MAGI2: variants seen among roughly 807,000 people sequenced by gnomAD.
MAGI2 encodes membrane associated guanylate kinase, WW and PDZ domain containing 2.
In MAGI2, 35 loss-of-function variants were observed where a neutral mutation model predicts 133.3. The ratio of observed to expected loss-of-function variants is 0.26; its 90% CI spans 0.20 to 0.35. The LOEUF is 0.35. Among genes scored for constraint, MAGI2 ranks in the 10% least tolerant of loss-of-function variants. MAGI2 has a pLI of 1.00. For synonymous variants in MAGI2, 729 were observed against 710.6 expected, an observed-to-expected ratio of 1.03 and a Z score of -0.41; for missense variants, 1,636 against 1,863.4, an observed-to-expected ratio of 0.88 and a Z score of 2.25.
At chr7:78,590,640 T>C (rs1803901652) in intron 3 of MAGI2, among the ~76,000 whole-genome samples, 1 of 152,240 alleles carries the variant, frequency 6.6e-6, no homozygotes, top group African/African-American at 2.4e-5. Context: ...TGCTTTTTGC[T>C]AGTCACGTGG....
chr7:78,836,154 T>C (rs1424443192), intron 2 of MAGI2, among the ~76,000 whole-genome samples: 2 of 152,236 alleles, frequency 1.3e-5, no homozygotes, highest in Non-Finnish European at 2.9e-5. Context: ...AATGATACAA[T>C]ACTCAGAAGC....
intron 20 of MAGI2, among the ~76,000 whole-genome samples, chr7:78,104,020 C>T (rs548954077): frequency 3.5e-4 from 54 of 152,200 alleles, no homozygotes; most frequent in Non-Finnish European, 6.3e-4. Flanking sequence ...CTGAACACAG[C>T]CTGGGATCAG....
Position 78,407,901 on chromosome 7 carries a change from A to G in MAGI2, c.1046-38688T>C, listed in dbSNP as rs550831631. Among the ~76,000 whole-genome samples, 125 of 131,482 alleles carry G rather than the reference A, an allele frequency of 9.5e-4. 1 individual carries two copies. Among genetic ancestry groups the G allele is most frequent in the African/African-American group, 3.3e-3 (114 of 34,052 alleles). 86.3% of individuals were successfully genotyped at this position (131,482 alleles called of 152,430 possible). On this transcript the variant is annotated intron_variant, in intron 6 of 21. Coordinates refer to ENST00000354212, the MANE Select transcript of MAGI2 (RefSeq NM_012301.4). ...TCATTCCTCTAGGATGCCAGAGATCATTTTTGTTACCAGACAGACCCCTCC... is the reference window on the plus strand; with the variant it reads ...TCATTCCTCTAGGATGCCAGAGATCGTTTTTGTTACCAGACAGACCCCTCC...
rs371611051 is a variant in MAGI2, at chr7:78,092,458, C to T, written c.3568-13373G>A. Among the ~76,000 whole-genome samples the T allele has an allele frequency of 1.5e-4, 23 of 152,238 alleles. 1 individual carries two copies. In the East Asian group the frequency reaches 3.7e-3, roughly 24 times the overall value. On this transcript the variant is annotated intron_variant, in intron 20 of 21. Coordinates refer to ENST00000354212, the MANE Select transcript of MAGI2 (RefSeq NM_012301.4). ...TTAAATTTTACAACTAGGAATGTAG[C>T]CGAGTGTCTAAAAATCTTGTTTCTG...
At chr7:78,879,799 G>A (rs1451111877) in intron 2 of MAGI2, among the ~76,000 whole-genome samples, 1 of 151,942 alleles carries the variant, frequency 6.6e-6, no homozygotes, top group Non-Finnish European at 1.5e-5. Flanking sequence ...AGCTTAATGA[G>A]ATTCAGAAAA....
intron 20 of MAGI2, among the ~76,000 whole-genome samples, chr7:78,092,073 G>A (rs1379733130): frequency 6.6e-6 from 1 of 152,160 alleles, no homozygotes; most frequent in Non-Finnish European, 1.5e-5. Context: ...AAAACTACAT[G>A]TGTTAAAGTT....
intron 3 of MAGI2, among the ~76,000 whole-genome samples, chr7:78,529,550 TA>T (rs1180364174): frequency 2.6e-5 from 4 of 152,122 alleles, no homozygotes; most frequent in African/African-American, 9.7e-5. Context: ...AAGAATGTAT[TA>T]AATCCCTTAG....
chr7:78,579,559 G>A lies in MAGI2; in HGVS notation c.538+47561C>T, dbSNP rs374649944. On this transcript the variant is annotated intron_variant, in intron 3 of 21. Transcript: ENST00000354212. The stretch of plus-strand genomic sequence containing the variant: ...TATTGACCTGGAGATGGTACCAGAG[G>A]AATCTGCGTTAACAAGCTTCACTAA... Among the ~76,000 whole-genome samples, 7 of 152,270 alleles carry A rather than the reference G, an allele frequency of 4.6e-5. No homozygotes were observed. In the South Asian group the frequency reaches 1.4e-3, roughly 32 times the overall value.
intron 10 of MAGI2, among the ~76,000 whole-genome samples, chr7:78,212,223 C>T (rs73703755): frequency 9.5e-4 from 144 of 152,270 alleles, no homozygotes; most frequent in African/African-American, 3.3e-3. Context: ...GGAACAGTGG[C>T]CCCCACAAAG....
At chr7:78,670,113 G>A (rs917271611) in intron 2 of MAGI2, among the ~76,000 whole-genome samples, 5 of 151,670 alleles carry the variant, frequency 3.3e-5, no homozygotes, top group African/African-American at 1.2e-4. Context: ...ATTCAATTAG[G>A]AAAAGAGGAA....
At chr7:79,312,231 C>G (rs1333091743) in intron 1 of MAGI2, among the ~76,000 whole-genome samples, 1 of 152,160 alleles carries the variant, frequency 6.6e-6, no homozygotes, top group Non-Finnish European at 1.5e-5. Context: ...CATGTCATGT[C>G]AGGACACAAG....
intron 2 of MAGI2, among the ~76,000 whole-genome samples, chr7:78,873,250 CA>C (rs1795173398): frequency 1.3e-5 from 2 of 152,158 alleles, no homozygotes; most frequent in African/African-American, 2.4e-5. Context: ...TACTATACAA[CA>C]GGGGTCCCCA....
rs35152410 is a variant in MAGI2, at chr7:78,163,906, C to CAAA, written c.2597-3636_2597-3634dup. On this transcript the variant is annotated intron_variant, in intron 15 of 21. Coordinates refer to ENST00000354212, the MANE Select transcript of MAGI2 (RefSeq NM_012301.4). Reference sequence around the variant, plus strand: ...TGGGCAACAGAGCAAGACTCCGTCTCAAAAAAAAAAAAAAAAATTAATTGC... The same window carrying CAAA: ...TGGGCAACAGAGCAAGACTCCGTCTCAAAAAAAAAAAAAAAAAAAATTAATTGC... 8.5e-3 allele frequency among the ~76,000 whole-genome samples: 1,079 copies of CAAA among 126,406 alleles called. 23 individuals carry two copies. The highest frequency in any genetic ancestry group is 0.017 in the African/African-American group (571 of 33,034). 82.9% of individuals were successfully genotyped at this position (126,406 alleles called of 152,430 possible).
chr7:79,155,566 G>T lies in MAGI2; in HGVS notation c.302-148360C>A, dbSNP rs1430054760. ...AGGCTGCTGGGAAGGTGAGGAGAAA[G>T]AATCCAGAGAAGGATATTTTCCTCA... On this transcript the variant is annotated intron_variant, in intron 1 of 21. Transcript: ENST00000354212. Among the ~76,000 whole-genome samples, 3 of 152,114 alleles carry T rather than the reference G, an allele frequency of 2.0e-5. No homozygotes were observed. The East Asian group carries it at 5.8e-4, about 29-fold the overall frequency.
intron 1 of MAGI2, among the ~76,000 whole-genome samples, chr7:79,190,578 C>A (rs1017323860): frequency 4.0e-5 from 6 of 151,846 alleles, no homozygotes; most frequent in African/African-American, 1.5e-4. Flanking sequence ...CTTTTTCATT[C>A]TCTTAATTGC....
intron 9 of MAGI2, among the ~76,000 whole-genome samples, chr7:78,296,603 A>G (rs1220769125): frequency 6.6e-6 from 1 of 152,206 alleles, no homozygotes; most frequent in Non-Finnish European, 1.5e-5. Flanking sequence ...AGTTTGGTAC[A>G]TACAGATAAA....
intron 2 of MAGI2, among the ~76,000 whole-genome samples, chr7:78,700,255 G>A (rs1248744505): frequency 6.6e-6 from 1 of 152,086 alleles, no homozygotes; most frequent in African/African-American, 2.4e-5. Context: ...CCTCTTGATA[G>A]ACTGTTTTCC....
chr7:78,571,565 A>C (rs1563184970), intron 3 of MAGI2, among the ~76,000 whole-genome samples: 2 of 152,168 alleles, frequency 1.3e-5, no homozygotes, highest in African/African-American at 4.8e-5. Flanking sequence ...TTTAATAGTC[A>C]TGTTGGATGG....
At chr7:78,737,439 C>G (rs1033902020) in intron 2 of MAGI2, among the ~76,000 whole-genome samples, 4 of 152,170 alleles carry the variant, frequency 2.6e-5, no homozygotes, top group Non-Finnish European at 4.4e-5. Flanking sequence ...TACATTGCAA[C>G]TAACCTTTAA....
Sources: gnomAD v4.1 joint callset for allele counts (sites outside exome capture counted in the v4.1 genomes callset) on GRCh38, gnomAD v4.1.1 for gene constraint, MANE v1.5 for transcripts, NCBI Gene and HGNC (gene_info 2026-07-23, HGNC 2026-07-21) for gene names.